STOX1: variants seen among roughly 807,000 people sequenced by gnomAD.
The protein encoded by STOX1 is storkhead-box protein 1.
Under a neutral mutation model 74.8 loss-of-function variants are expected in STOX1, and 57 were observed. The observed-to-expected ratio is 0.76, with a 90% CI of 0.62 to 0.95. STOX1 has a LOEUF of 0.95. Among genes scored for constraint, STOX1 ranks in the 40% least tolerant of loss-of-function variants. The pLI, the probability that STOX1 is intolerant of heterozygous loss-of-function variation, is 0.00. For synonymous variants in STOX1, 375 were observed against 401.3 expected, an observed-to-expected ratio of 0.93 and a Z score of 0.78; for missense variants, 1,010 against 1,117.0, an observed-to-expected ratio of 0.90 and a Z score of 1.37.
intron 1 of STOX1, among the ~76,000 whole-genome samples, chr10:68,873,666 C>CT (rs1305764525): frequency 1.2e-3 from 141 of 120,484 alleles, no homozygotes; most frequent in South Asian, 2.1e-3. Context: ...TTTTTTTTTT[C>CT]TTTTTTTTGA....
At chr10:68,889,508 T>C (rs1841048819) in intron 3 of STOX1, among the ~76,000 whole-genome samples, 1 of 152,214 alleles carries the variant, frequency 6.6e-6, no homozygotes, top group East Asian at 1.9e-4. Flanking sequence ...CTTTCTTTTT[T>C]CATGTAACTT....
At chr10:68,853,070 G>A (rs916612886) in intron 1 of STOX1, among the ~76,000 whole-genome samples, 1 of 151,460 alleles carries the variant, frequency 6.6e-6, no homozygotes, top group Non-Finnish European at 1.5e-5. Context: ...TTACAGGCAT[G>A]CGCCACCATG....
chr10:68,841,337 G>A (rs1839688986), intron 1 of STOX1, among the ~76,000 whole-genome samples: 1 of 152,080 alleles, frequency 6.6e-6, no homozygotes. Flanking sequence ...CATTCACATA[G>A]TATGAAAGGG....
chr10:68,886,716 CA>C (rs1436566352), intron 3 of STOX1, 98 bp downstream of exon 3: 9 of 1,093,336 alleles, frequency 8.2e-6, no homozygotes, highest in Admixed American at 2.0e-5. Context: ...ATCACGAGGT[CA>C]AGAGATTGAG....
intron 1 of STOX1, among the ~76,000 whole-genome samples, chr10:68,842,786 G>A (rs1447374921): frequency 6.6e-6 from 1 of 152,028 alleles, no homozygotes; most frequent in Non-Finnish European, 1.5e-5. Context: ...TGATTCACCT[G>A]CCTTGGCCTC....
chr10:68,846,565 C>T (rs1465429354), intron 1 of STOX1, among the ~76,000 whole-genome samples: 1 of 152,160 alleles, frequency 6.6e-6, no homozygotes, highest in Non-Finnish European at 1.5e-5. Context: ...TAGCAATTGA[C>T]CACATGTGTG....
chr10:68,876,064 G>T (rs1276947250), intron 1 of STOX1, among the ~76,000 whole-genome samples: 4 of 147,192 alleles, frequency 2.7e-5, no homozygotes, highest in Non-Finnish European at 4.5e-5. Flanking sequence ...CATTACTTTT[G>T]ACTTTTTTTT....
At position 68,885,698 on chromosome 10, in the gene STOX1, C is replaced by G. The variant is rs187810707; in HGVS notation, c.1902C>G (p.Thr634=). Residue 634 remains threonine (T), a synonymous_variant, in exon 3 of 4, where the codon ACC becomes ACG. Transcript: ENST00000298596. ...SHSHFDKLGE[T]KQTPHSLPSR... ...CCCACTTTGACAAATTAGGGGAGACCAAACAGACTCCGCATAGTCTGCCAT... is the reference window on the plus strand; with the variant it reads ...CCCACTTTGACAAATTAGGGGAGACGAAACAGACTCCGCATAGTCTGCCAT... 9,051 of 1,614,080 alleles carry G rather than the reference C, an allele frequency of 5.6e-3. 36 individuals carry two copies. The highest frequency in any genetic ancestry group is 6.9e-3 in the Non-Finnish European group (8,141 of 1,180,018).
intron 1 of STOX1, among the ~76,000 whole-genome samples, chr10:68,874,025 T>TTG (rs1840615195): frequency 7.0e-6 from 1 of 141,866 alleles, no homozygotes; most frequent in Non-Finnish European, 1.5e-5. Flanking sequence ...TTTTTTTTTT[T>TTG]TTTTTTTTTT....
chr10:68,884,837 A>G lies in STOX1; in HGVS notation c.1041A>G (p.Glu347=). ...FPPEEWPVRD[E]DDLDNIPRDV... Reference sequence around the variant, plus strand: ...CTGAAGAATGGCCCGTCCGAGATGAAGATGACTTGGACAATATCCCTCGAG... The same window carrying G: ...CTGAAGAATGGCCCGTCCGAGATGAGGATGACTTGGACAATATCCCTCGAG... Residue 347 remains glutamate, a synonymous_variant, in exon 3 of 4, where the codon GAA becomes GAG. Transcript: ENST00000298596. 4 of 1,614,234 alleles carry G rather than the reference A, an allele frequency of 2.5e-6. No individual in the cohort carries two copies. The highest frequency in any genetic ancestry group is 2.2e-5 in the South Asian group (2 of 91,090).
intron 1 of STOX1, among the ~76,000 whole-genome samples, chr10:68,864,034 C>T (rs1840335460): frequency 6.6e-6 from 1 of 151,892 alleles, no homozygotes; most frequent in Non-Finnish European, 1.5e-5. Flanking sequence ...ATGCCATTCT[C>T]CTGCCTCAGC....
Position 68,885,050 on chromosome 10 carries a change from G to C in STOX1, c.1254G>C (p.Leu418=). Residue 418 remains leucine, a synonymous_variant, in exon 3 of 4, where the codon CTG becomes CTC. Transcript: ENST00000298596. Reference sequence around the variant, plus strand: ...AGGGGGTTAAGAAAAGGCAGGGTCTGTCTGCAAAACCTCAAGGGCAGGGCC... The same window carrying C: ...AGGGGGTTAAGAAAAGGCAGGGTCTCTCTGCAAAACCTCAAGGGCAGGGCC... ...SKEGVKKRQG[L]SAKPQGQGHS... 1 of 1,614,174 alleles carries C rather than the reference G, an allele frequency of 6.2e-7. No individual in the cohort carries two copies. The highest frequency in any genetic ancestry group is 2.2e-5 in the East Asian group (1 of 44,894).
At chr10:68,829,628 C>A (rs1839355192) in intron 1 of STOX1, among the ~76,000 whole-genome samples, 1 of 152,180 alleles carries the variant, frequency 6.6e-6, no homozygotes, top group African/African-American at 2.4e-5. Context: ...ACTGTATCAT[C>A]CATTCAGAGA....
At position 68,892,664 on chromosome 10, in the gene STOX1, C is replaced by T. The variant is rs375370325; in HGVS notation, c.2898C>T (p.Val966=). ...LKRRQNFLQN[V]EGTKSSQPLT... is the part of the protein sequence containing the mutation. ...GAAGACAGAATTTTCTGCAAAATGT[C>T]GAAGGCACAAAGAGCAGTCAACCAC... is the stretch of plus-strand genomic sequence containing the variant. Residue 966 remains valine (V), a synonymous_variant, in exon 4 of 4, where the codon GTC becomes GTT. Transcript: ENST00000298596. 2.9e-5 allele frequency: 46 copies of T among 1,613,684 alleles called. No homozygotes were observed. Among genetic ancestry groups the T allele is most frequent in the South Asian group, 2.0e-4 (18 of 91,082 alleles).
intron 1 of STOX1, among the ~76,000 whole-genome samples, chr10:68,835,754 A>G (rs57264200): frequency 0.028 from 4,291 of 152,330 alleles, 215 homozygotes; most frequent in African/African-American, 0.098. Context: ...GAAAAACACC[A>G]GTGCAAAATT....
chr10:68,884,066 G>T (rs183091522), intron 2 of STOX1, among the ~76,000 whole-genome samples, 194 bp from the exon 3 acceptor site: 69 of 152,214 alleles, frequency 4.5e-4, no homozygotes, highest in African/African-American at 1.6e-3. Context: ...TGATCCTCCT[G>T]CCTCAGCCTC....
At chr10:68,860,292 C>T (rs1313840339) in intron 1 of STOX1, among the ~76,000 whole-genome samples, 1 of 150,048 alleles carries the variant, frequency 6.7e-6, no homozygotes, top group Non-Finnish European at 1.5e-5. Context: ...TCTCATTGGT[C>T]CAGGCATGGT....
rs556362193 is a variant in STOX1 at position 68,827,676 on chromosome 10, G to C, written c.53G>C (p.Arg18Pro). The change falls in exon 1 of 4, where the codon CGG becomes CCG. Residue 18 changes from arginine to proline, a missense_variant. Arg to Pro is a moderately radical substitution (Grantham distance 103, BLOSUM62 -2). Coordinates refer to ENST00000298596, the MANE Select transcript of STOX1 (RefSeq NM_152709.5). ...GGCTCGCTGGCGCTAGTGCTGTGCCGGCTGGAGGCGCAGAAGGCGGCGGGG... is the reference window on the plus strand; with the variant it reads ...GGCTCGCTGGCGCTAGTGCTGTGCCCGCTGGAGGCGCAGAAGGCGGCGGGG... ...APGSLALVLC[R>P]LEAQKAAGAA... 6,601 of 1,121,884 alleles carry C rather than the reference G, an allele frequency of 5.9e-3. 31 individuals are homozygous for C. The highest frequency in any genetic ancestry group is 6.9e-3 in the Non-Finnish European group (6,284 of 916,214). 69.5% of individuals were successfully genotyped at this position (1,121,884 alleles called of 1,614,324 possible).
chr10:68,867,308 A>C (rs1449542335), intron 1 of STOX1, among the ~76,000 whole-genome samples: 2 of 152,088 alleles, frequency 1.3e-5, no homozygotes, highest in Non-Finnish European at 2.9e-5. Flanking sequence ...AGCCTGTTTA[A>C]ACTCTTCGAG....
Sources: gnomAD v4.1 joint callset for allele counts (sites outside exome capture counted in the v4.1 genomes callset) on GRCh38, gnomAD v4.1.1 for gene constraint, MANE v1.5 for transcripts, NCBI Gene and HGNC (gene_info 2026-07-23, HGNC 2026-07-21) for gene names.